ABTB2: variants seen among roughly 807,000 people sequenced by gnomAD.
ABTB2 encodes ankyrin repeat and BTB/POZ domain-containing protein 2.
ABTB2 carries 56 observed loss-of-function variants against 104.1 expected under a neutral mutation model. That is an observed-to-expected ratio of 0.54 (90% CI 0.43 to 0.67). The LOEUF (loss-of-function observed/expected upper bound fraction) is 0.67. Among genes scored for constraint, ABTB2 ranks in the 30% least tolerant of loss-of-function variants. The pLI is 0.00. For missense variants in ABTB2, 1,279 were observed against 1,407.7 expected (o/e 0.91, Z 1.46); for synonymous variants, 606 against 608.2 (o/e 1.00, Z 0.05).
intron 1 of ABTB2, among the ~76,000 whole-genome samples, chr11:34,275,751 GAACAC>G (rs1283332787): frequency 6.6e-6 from 1 of 152,152 alleles, no homozygotes; most frequent in Admixed American, 6.5e-5. Flanking sequence ...ATTATGCACA[GAACAC>G]TAAGGAATAA....
chr11:34,353,866 G>A (rs935108910), intron 1 of ABTB2, among the ~76,000 whole-genome samples: 3 of 152,188 alleles, frequency 2.0e-5, no homozygotes, highest in Non-Finnish European at 4.4e-5. Context: ...CTTCCCATAC[G>A]CAGTCATTCC....
chr11:34,267,345 C>T (rs1412679357), intron 1 of ABTB2, among the ~76,000 whole-genome samples: 1 of 152,162 alleles, frequency 6.6e-6, no homozygotes, highest in African/African-American at 2.4e-5. Flanking sequence ...GTCTTGCTGA[C>T]TTTCTGAAGG....
At chr11:34,298,072 G>C (rs1854646301) in intron 1 of ABTB2, among the ~76,000 whole-genome samples, 1 of 150,054 alleles carries the variant, frequency 6.7e-6, no homozygotes, top group African/African-American at 2.5e-5. Context: ...TGAAATGTGA[G>C]AAATAAATGT....
At chr11:34,302,035 G>C (rs1277933614) in intron 1 of ABTB2, among the ~76,000 whole-genome samples, 1 of 152,114 alleles carries the variant, frequency 6.6e-6, no homozygotes, top group Non-Finnish European at 1.5e-5. Context: ...TATGACATTT[G>C]GCAAATATTA....
chr11:34,225,047 C>T (rs573038811), intron 1 of ABTB2, among the ~76,000 whole-genome samples: 7 of 152,300 alleles, frequency 4.6e-5, no homozygotes, highest in African/African-American at 1.7e-4. Flanking sequence ...TTGAGGTATG[C>T]AGTCAAAACT....
Position 34,325,425 on chromosome 11 carries a change from C to A in ABTB2, c.883+31276G>T, listed in dbSNP as rs147086072. 3.6e-4 allele frequency among the ~76,000 whole-genome samples: 55 copies of A among 152,264 alleles called. 1 individual carries two copies. In the East Asian group the frequency reaches 8.1e-3, roughly 22 times the overall value. On this transcript the variant is annotated intron_variant, in intron 1 of 16. Transcript: ENST00000435224. Reference sequence around the variant, plus strand: ...TTCTGCTATCTGCTGCCGACGTGACCTTAGGCAAGTTAAGCTCTCCGTTCC... The same window carrying A: ...TTCTGCTATCTGCTGCCGACGTGACATTAGGCAAGTTAAGCTCTCCGTTCC...
At chr11:34,169,366 G>T (rs1852839975) in intron 5 of ABTB2, among the ~76,000 whole-genome samples, 1 of 152,088 alleles carries the variant, frequency 6.6e-6, no homozygotes, top group African/African-American at 2.4e-5. Context: ...CATCATATTG[G>T]CAATAAAAAC....
chr11:34,236,922 C>A (rs946626965), intron 1 of ABTB2, among the ~76,000 whole-genome samples: 7 of 152,320 alleles, frequency 4.6e-5, no homozygotes, highest in African/African-American at 1.7e-4. Flanking sequence ...GGAAATAATT[C>A]TCTCCTTGGT....
chr11:34,167,988 A>G lies in ABTB2; in HGVS notation c.1568T>C (p.Met523Thr), dbSNP rs756622436. 2 of 1,613,934 alleles carry G rather than the reference A, an allele frequency of 1.2e-6. No homozygotes were observed. The highest frequency in any genetic ancestry group is 4.5e-5 in the East Asian group (2 of 44,902). Residue 523 changes from methionine (M) to threonine (T), a missense_variant, in exon 6 of 17, where the codon ATG becomes ACG. Physicochemically the swap from Met to Thr is moderately conservative, Grantham distance 81. Coordinates refer to ENST00000435224, the MANE Select transcript of ABTB2 (RefSeq NM_145804.3). The stretch of plus-strand genomic sequence containing the variant: ...AGCGCAGGCGTACATCAGTGGCGTC[A>G]TACCCTGAGCAAATCAAATGCACGT... ...DGVNTMDDQGMTPLMYACAAG... is the reference protein window; with the variant it reads ...DGVNTMDDQGTTPLMYACAAG...
intron 1 of ABTB2, among the ~76,000 whole-genome samples, chr11:34,318,367 T>C (rs527818153): frequency 6.6e-6 from 1 of 152,288 alleles, no homozygotes; most frequent in South Asian, 2.1e-4. Flanking sequence ...ATATTTGATT[T>C]TCTGCTTCTG....
chr11:34,297,295 A>G (rs1854633870), intron 1 of ABTB2, among the ~76,000 whole-genome samples: 1 of 152,146 alleles, frequency 6.6e-6, no homozygotes, highest in South Asian at 2.1e-4. Context: ...AGTCTTCTCA[A>G]CTACATATTT....
At chr11:34,158,498 A>C (rs1852661699) in intron 14 of ABTB2, among the ~76,000 whole-genome samples, 1 of 152,134 alleles carries the variant, frequency 6.6e-6, no homozygotes, top group Non-Finnish European at 1.5e-5. Flanking sequence ...TTATATCACA[A>C]ACCACTCCTG....
chr11:34,278,367 C>T (rs1006188095), intron 1 of ABTB2, among the ~76,000 whole-genome samples: 7 of 152,110 alleles, frequency 4.6e-5, no homozygotes, highest in Admixed American at 1.3e-4. Context: ...CAGGACTTCT[C>T]AGGGCCTTGA....
chr11:34,167,288 C>T lies in ABTB2; in HGVS notation c.1726G>A (p.Val576Met). 6.2e-7 allele frequency: 1 copy of T among 1,613,028 alleles called. No homozygotes were observed. Among genetic ancestry groups the T allele is most frequent in the Non-Finnish European group, 8.5e-7 (1 of 1,179,500 alleles). Residue 576 changes from valine (V) to methionine (M), a missense_variant, in exon 7 of 17, where the codon GTG (valine) becomes ATG (methionine). Physicochemically the swap from Val to Met is conservative, Grantham distance 21. Transcript: ENST00000435224. ...ACCACAGAGATGTGTCCATGCAGCA[C>T]AGCGAATGTCAGTGAGGTCCAGTGC... is the stretch of plus-strand genomic sequence containing the variant. ...SRHWTSLTFAVLHGHISVVQL... is the reference protein window; with the variant it reads ...SRHWTSLTFAMLHGHISVVQL...
At chr11:34,337,211 G>A (rs1855201701) in intron 1 of ABTB2, among the ~76,000 whole-genome samples, 1 of 152,244 alleles carries the variant, frequency 6.6e-6, no homozygotes, top group Non-Finnish European at 1.5e-5. Context: ...CTTATTTGTT[G>A]AGGAAGGCCC....
At chr11:34,341,705 G>A (rs1196166624) in intron 1 of ABTB2, among the ~76,000 whole-genome samples, 1 of 152,138 alleles carries the variant, frequency 6.6e-6, no homozygotes, top group Non-Finnish European at 1.5e-5. Context: ...CTCACTCACA[G>A]CTTGTCAGGT....
chr11:34,265,478 T>C lies in ABTB2; in HGVS notation c.884-60788A>G, dbSNP rs546824676. Among the ~76,000 whole-genome samples the C allele has an allele frequency of 7.2e-5, 11 of 151,782 alleles. No individual in the cohort carries two copies. In the South Asian group the frequency reaches 1.2e-3, roughly 17 times the overall value. On this transcript the variant is annotated intron_variant, in intron 1 of 16. Coordinates refer to ENST00000435224, the MANE Select transcript of ABTB2 (RefSeq NM_145804.3). ...GAGTTTCAGACCAGTCTGATCAACA[T>C]GGAGAAACCTCATCTCTACTAAAAA... is the stretch of plus-strand genomic sequence containing the variant.
At chr11:34,312,307 T>G (rs1026950555) in intron 1 of ABTB2, among the ~76,000 whole-genome samples, 1 of 152,174 alleles carries the variant, frequency 6.6e-6, no homozygotes, top group African/African-American at 2.4e-5. Flanking sequence ...CCTTGTTCAT[T>G]CATTTCAGAG....
At chr11:34,340,535 A>G (rs966098220) in intron 1 of ABTB2, among the ~76,000 whole-genome samples, 8 of 152,190 alleles carry the variant, frequency 5.3e-5, no homozygotes, top group Non-Finnish European at 1.0e-4. Context: ...GTGTGACCAA[A>G]TATCTTTTCA....
Sources: gnomAD v4.1 joint callset for allele counts (sites outside exome capture counted in the v4.1 genomes callset) on GRCh38, gnomAD v4.1.1 for gene constraint, MANE v1.5 for transcripts, NCBI Gene and HGNC (gene_info 2026-07-23, HGNC 2026-07-21) for gene names.